The following TJP1 variants were observed in gnomAD, a reference collection of about 807,000 sequenced individuals.
TJP1 encodes the protein tight junction protein 1.
TJP1 carries 43 observed loss-of-function variants against 194.2 expected under a neutral mutation model. The observed-to-expected ratio is 0.22, with a 90% CI of 0.17 to 0.29. TJP1 has a LOEUF of 0.29. TJP1 is among the 10% of genes least tolerant of loss of function. TJP1 has a pLI of 1.00. For missense variants in TJP1, 1,971 were observed against 2,185.7 expected, an observed-to-expected ratio of 0.90 and a Z score of 1.96; for synonymous variants, 801 against 779.0, an observed-to-expected ratio of 1.03 and a Z score of -0.47.
intron 2 of TJP1, among the ~76,000 whole-genome samples, chr15:29,847,608 A>T (rs1476554111): frequency 3.9e-5 from 6 of 152,036 alleles, no homozygotes; most frequent in Non-Finnish European, 5.9e-5. Flanking sequence ...ACAAGGTGAA[A>T]TCTCATCTCT....
intron 2 of TJP1, among the ~76,000 whole-genome samples, chr15:29,939,516 A>G (rs180860453): frequency 3.2e-4 from 48 of 152,204 alleles, no homozygotes; most frequent in African/African-American, 1.1e-3. Flanking sequence ...CTGCTCCCCA[A>G]CCCCTAGCAC....
chr15:29,807,219 G>A (rs1328509173), intron 1 of TJP1, among the ~76,000 whole-genome samples: 1 of 152,116 alleles, frequency 6.6e-6, no homozygotes, highest in Non-Finnish European at 1.5e-5. Flanking sequence ...GTAATTTTCT[G>A]GTTGATCAAA....
chr15:29,716,278 G>A (rs2042556278), intron 23 of TJP1, among the ~76,000 whole-genome samples: 1 of 152,168 alleles, frequency 6.6e-6, no homozygotes, highest in African/African-American at 2.4e-5. Flanking sequence ...AATAAAAACA[G>A]AAAAGAAAAA....
At chr15:29,846,629 C>A (rs1163759735) in intron 2 of TJP1, among the ~76,000 whole-genome samples, 1 of 151,972 alleles carries the variant, frequency 6.6e-6, no homozygotes, top group Non-Finnish European at 1.5e-5. Context: ...ATCAGCCCTA[C>A]AAAAGAAAAC....
At chr15:29,832,954 C>T (rs572323431) in intron 2 of TJP1, among the ~76,000 whole-genome samples, 2 of 152,292 alleles carry the variant, frequency 1.3e-5, no homozygotes, top group African/African-American at 4.8e-5. Flanking sequence ...TTTTCCTCCC[C>T]TAAGGGCCAC....
intron 1 of TJP1, among the ~76,000 whole-genome samples, chr15:29,819,649 T>G (rs180675593): frequency 1.5e-3 from 230 of 152,344 alleles, no homozygotes; most frequent in Non-Finnish European, 3.0e-3. Flanking sequence ...GGTTTTCTTA[T>G]CAATATGTCA....
At chr15:29,827,296 C>T (rs1028236360), upstream of TJP1, among the ~76,000 whole-genome samples, 1 of 152,196 alleles carries the variant, frequency 6.6e-6, no homozygotes, top group Non-Finnish European at 1.5e-5. Context: ...CCCAGCAGGG[C>T]ATTCAGGTCA....
intron 1 of TJP1, among the ~76,000 whole-genome samples, chr15:29,803,091 C>T (rs1046002028): frequency 1.3e-5 from 2 of 152,082 alleles, no homozygotes. Flanking sequence ...AAAGGATAAA[C>T]AAAATGTTAA....
intron 2 of TJP1, among the ~76,000 whole-genome samples, chr15:29,920,332 G>A (rs2054317002): frequency 6.6e-6 from 1 of 152,104 alleles, no homozygotes; most frequent in Non-Finnish European, 1.5e-5. Context: ...CAAAATATAA[G>A]GCTACTCCTC....
intron 2 of TJP1, among the ~76,000 whole-genome samples, chr15:29,835,301 G>T (rs1251883358): frequency 1.3e-5 from 2 of 152,064 alleles, no homozygotes; most frequent in Non-Finnish European, 2.9e-5. Context: ...TTCCATAACG[G>T]AGTGCATATT....
intron 2 of TJP1, among the ~76,000 whole-genome samples, chr15:29,786,090 G>C (rs1287048638): frequency 6.6e-6 from 1 of 152,222 alleles, no homozygotes; most frequent in Non-Finnish European, 1.5e-5. Context: ...AAGCACTGCA[G>C]ATTTTCTACC....
intron 16 of TJP1, among the ~76,000 whole-genome samples, chr15:29,727,210 G>A (rs921935030): frequency 6.6e-6 from 1 of 152,018 alleles, no homozygotes; most frequent in Non-Finnish European, 1.5e-5. Context: ...CAGGCATGGT[G>A]GTGCACGCCT....
At chr15:29,753,772 T>C (rs1014865061) in intron 8 of TJP1, among the ~76,000 whole-genome samples, 5 of 147,746 alleles carry the variant, frequency 3.4e-5, no homozygotes, top group African/African-American at 5.0e-5. Context: ...TAATGAATCA[T>C]ATCTTTCTAA....
intron 2 of TJP1, among the ~76,000 whole-genome samples, chr15:29,853,699 CAT>C (rs2051734295): frequency 6.6e-6 from 1 of 152,146 alleles, no homozygotes; most frequent in African/African-American, 2.4e-5. Flanking sequence ...TACTTATCAA[CAT>C]ATCTAAAGTA....
chr15:29,720,688 A>G lies in TJP1; in HGVS notation c.2433T>C (p.Asp811=). The G allele has an allele frequency of 6.2e-7, 1 of 1,609,228 alleles. No individual in the cohort carries two copies. Among genetic ancestry groups the G allele is most frequent in the Non-Finnish European group, 8.5e-7 (1 of 1,177,064 alleles). ...SEGKADGATS[D]DLDLHDDRLS... ...GACGATCATCATGCAAATCAAGGTC[A>G]TCACTTGTAGCACCATCCGCCTGGG... The change falls in exon 19 of 28, where the codon GAT becomes GAC. Residue 811 remains aspartate, a synonymous_variant. Transcript: ENST00000614355.
At chr15:29,826,204 T>C (rs2050670886), upstream of TJP1, among the ~76,000 whole-genome samples, 1 of 151,980 alleles carries the variant, frequency 6.6e-6, no homozygotes, top group South Asian at 2.1e-4. Context: ...TTCAATTCAG[T>C]ATACAGAAAG....
chr15:29,875,257 T>C (rs1235147576), intron 2 of TJP1, among the ~76,000 whole-genome samples: 7 of 152,216 alleles, frequency 4.6e-5, no homozygotes, highest in African/African-American at 1.7e-4. Flanking sequence ...ATCCGCAGAA[T>C]AGGCAGAAGA....
chr15:29,827,774 A>T (rs1007772250), intron 2 of TJP1, among the ~76,000 whole-genome samples: 2 of 152,176 alleles, frequency 1.3e-5, no homozygotes, highest in African/African-American at 4.8e-5. Context: ...TGTACCTTTA[A>T]TGACACTTTT....
chr15:29,788,765 G>A (rs2047875288), intron 2 of TJP1, among the ~76,000 whole-genome samples: 2 of 152,064 alleles, frequency 1.3e-5, no homozygotes, highest in African/African-American at 2.4e-5. Flanking sequence ...GCAGAGTAAC[G>A]ACGAGCAACT....
Sources: gnomAD v4.1 joint callset for allele counts (sites outside exome capture counted in the v4.1 genomes callset) on GRCh38, gnomAD v4.1.1 for gene constraint, MANE v1.5 for transcripts, NCBI Gene and HGNC (gene_info 2026-07-23, HGNC 2026-07-21) for gene names.